Variants in AUTS2 observed in about 807,000 individuals in gnomAD.
AUTS2 encodes the protein activator of transcription and developmental regulator AUTS2, also known as autism susceptibility gene 2 protein.
A neutral mutation model predicts 112.4 loss-of-function variants in AUTS2; 17 were observed. The observed-to-expected ratio is 0.15, with a 90% CI of 0.10 to 0.23. The LOEUF (loss-of-function observed/expected upper bound fraction) is 0.23, where lower values mean the gene tolerates loss of function less well. Among genes scored for constraint, AUTS2 ranks in the 10% least tolerant of loss-of-function variants. The pLI is 1.00. For synonymous variants in AUTS2, 751 were observed against 702.7 expected (o/e 1.07, Z -1.09); for missense variants, 1,510 against 1,701.6 (o/e 0.89, Z 1.98).
chr7:70,020,953 G>A (rs528449255), intron 2 of AUTS2, among the ~76,000 whole-genome samples: 105 of 152,254 alleles, frequency 6.9e-4, no homozygotes, highest in African/African-American at 2.4e-3. Flanking sequence ...TTATAGGCAT[G>A]AGCCACCATG....
At chr7:69,632,859 A>C (rs1029131094) in intron 1 of AUTS2, among the ~76,000 whole-genome samples, 1 of 152,108 alleles carries the variant, frequency 6.6e-6, no homozygotes, top group Admixed American at 6.6e-5. Flanking sequence ...ATTTATTTTT[A>C]AAATAAGTTT....
In AUTS2 at chr7:70,453,125, TCCTAATGTGTG is replaced by T. The variant is rs201171649; in HGVS notation, c.690+17346_690+17356del. 4.4e-3 allele frequency among the ~76,000 whole-genome samples: 664 copies of T among 152,178 alleles called. 7 individuals carry two copies. Among genetic ancestry groups the T allele is most frequent in the African/African-American group, 0.014 (596 of 41,506 alleles). ...ACCCAGGAGGTGAAGCTTTCAGGGGTCCTAATGTGTGCTTCAGGATAAGGGCACCATGGGTC... is the reference window on the plus strand; with the variant it reads ...ACCCAGGAGGTGAAGCTTTCAGGGGTCTTCAGGATAAGGGCACCATGGGTC... On this transcript the variant is annotated intron_variant, in intron 5 of 18. Transcript: ENST00000342771.
intron 4 of AUTS2, among the ~76,000 whole-genome samples, chr7:70,187,959 G>A (rs946052316): frequency 2.6e-5 from 4 of 151,876 alleles, no homozygotes; most frequent in Non-Finnish European, 4.4e-5. Context: ...TCTAATAAAG[G>A]GAAACATCTA....
chr7:69,601,129 C>T (rs1478536945), intron 1 of AUTS2, among the ~76,000 whole-genome samples: 1 of 151,946 alleles, frequency 6.6e-6, no homozygotes, highest in African/African-American at 2.4e-5. Flanking sequence ...CTCCCTGTCC[C>T]CACCCCCCAC....
intron 4 of AUTS2, among the ~76,000 whole-genome samples, chr7:70,228,536 T>C (rs1811888372): frequency 6.6e-6 from 1 of 151,914 alleles, no homozygotes; most frequent in Non-Finnish European, 1.5e-5. Flanking sequence ...TTTTAGTGTA[T>C]CATTTTTATT....
At chr7:70,488,227 G>A (rs1483097331) in intron 5 of AUTS2, among the ~76,000 whole-genome samples, 2 of 152,214 alleles carry the variant, frequency 1.3e-5, no homozygotes, top group African/African-American at 2.4e-5. Flanking sequence ...GCTCTAAGCT[G>A]AGGAGTGCTG....
chr7:70,364,956 G>A (rs967660459), intron 4 of AUTS2, among the ~76,000 whole-genome samples: 3 of 152,226 alleles, frequency 2.0e-5, no homozygotes, highest in African/African-American at 7.2e-5. Context: ...TAATACTGCT[G>A]TAGGTAAAGT....
At chr7:70,372,189 G>A (rs1454167058) in intron 4 of AUTS2, among the ~76,000 whole-genome samples, 2 of 152,152 alleles carry the variant, frequency 1.3e-5, no homozygotes, top group African/African-American at 4.8e-5. Flanking sequence ...AGAAAGAAGA[G>A]GTAGATAATG....
chr7:70,013,033 A>G (rs1799875710), intron 2 of AUTS2, among the ~76,000 whole-genome samples: 1 of 152,202 alleles, frequency 6.6e-6, no homozygotes, highest in African/African-American at 2.4e-5. Context: ...TATAGGATCT[A>G]GCACATTTCA....
chr7:70,191,161 C>CTTTTTTTTTTTTTTTT (rs34637651), intron 4 of AUTS2, among the ~76,000 whole-genome samples: 1 of 86,426 alleles, frequency 1.2e-5, no homozygotes, highest in African/African-American at 4.7e-5. Flanking sequence ...CCACTTATTT[C>CTTTTTTTTTTTTTTTT]TTTTTTTTTT....
intron 1 of AUTS2, among the ~76,000 whole-genome samples, chr7:69,843,851 G>A (rs887482241): frequency 1.3e-5 from 2 of 152,140 alleles, no homozygotes; most frequent in Non-Finnish European, 2.9e-5. Context: ...TTGCATGAAG[G>A]TCCACAACTA....
intron 6 of AUTS2, among the ~76,000 whole-genome samples, chr7:70,756,406 C>T (rs1007543610): frequency 9.2e-5 from 14 of 151,968 alleles, no homozygotes; most frequent in Non-Finnish European, 1.6e-4. Context: ...CAGAGTATAC[C>T]GAATCTCAAC....
At chr7:70,028,168 CTTCAT>C (rs1340727299) in intron 2 of AUTS2, among the ~76,000 whole-genome samples, 1 of 151,994 alleles carries the variant, frequency 6.6e-6, no homozygotes, top group Non-Finnish European at 1.5e-5. Context: ...CTGTATTCAT[CTTCAT>C]TTCTTTTTCA....
chr7:70,048,205 A>T (rs1355492623), intron 2 of AUTS2, among the ~76,000 whole-genome samples: 2 of 152,106 alleles, frequency 1.3e-5, no homozygotes, highest in African/African-American at 2.4e-5. Context: ...GTTCTCTCTC[A>T]TGCAACATGC....
At chr7:70,596,189 G>A (rs923372840) in intron 5 of AUTS2, 2 of 152,822 alleles carry the variant, frequency 1.3e-5, no homozygotes, top group Admixed American at 1.3e-4. Flanking sequence ...GGCTGGGGCG[G>A]GCGGCGCGCA....
chr7:69,854,137 T>G (rs1052433586), intron 1 of AUTS2, among the ~76,000 whole-genome samples: 2 of 152,166 alleles, frequency 1.3e-5, no homozygotes, highest in African/African-American at 2.4e-5. Context: ...CTAATACCGA[T>G]TATAAGTCCT....
chr7:69,601,128 C>T (rs1792382948), intron 1 of AUTS2, among the ~76,000 whole-genome samples: 1 of 151,908 alleles, frequency 6.6e-6, no homozygotes, highest in African/African-American at 2.4e-5. Context: ...CCTCCCTGTC[C>T]CCACCCCCCA....
intron 2 of AUTS2, among the ~76,000 whole-genome samples, chr7:70,090,359 A>G (rs998110301): frequency 2.6e-5 from 4 of 151,932 alleles, no homozygotes; most frequent in Admixed American, 1.3e-4. Flanking sequence ...AAACTTACAT[A>G]ATATAAATTT....
At chr7:70,043,735 G>C (rs914377986) in intron 2 of AUTS2, among the ~76,000 whole-genome samples, 1 of 151,412 alleles carries the variant, frequency 6.6e-6, no homozygotes, top group African/African-American at 2.4e-5. Flanking sequence ...TCAGCCTCCC[G>C]AGTAGCTGGG....
Sources: allele counts gnomAD v4.1 joint callset (sites outside exome capture counted in the v4.1 genomes callset), GRCh38; gene constraint gnomAD v4.1.1; transcripts MANE v1.5; gene names NCBI Gene and HGNC (gene_info 2026-07-23, HGNC 2026-07-21).